The following NRG1 variants were observed in gnomAD, a reference collection of about 807,000 sequenced individuals.
The protein encoded by NRG1 is neuregulin 1, also known as pro-neuregulin-1, membrane-bound isoform.
NRG1 carries 18 observed loss-of-function variants against 63.8 expected under a neutral mutation model. That is an observed-to-expected ratio of 0.28 (90% CI 0.19 to 0.42). NRG1 has a LOEUF of 0.42. Among genes scored for constraint, NRG1 ranks in the 10% least tolerant of loss-of-function variants. NRG1 has a pLI of 1.00. For synonymous variants in NRG1, 302 were observed against 301.3 expected (o/e 1.00, Z -0.02); for missense variants, 762 against 814.7 (o/e 0.94, Z 0.79).
At chr8:32,168,503 A>G (rs897660838) in intron 1 of NRG1, among the ~76,000 whole-genome samples, 1 of 152,210 alleles carries the variant, frequency 6.6e-6, no homozygotes, top group Non-Finnish European at 1.5e-5. Flanking sequence ...TGGCATATGC[A>G]TGGAAGTGAA....
chr8:32,103,194 C>A (rs144867349), intron 1 of NRG1, among the ~76,000 whole-genome samples: 62 of 152,290 alleles, frequency 4.1e-4, no homozygotes, highest in African/African-American at 1.4e-3. Flanking sequence ...CAGTACCCTT[C>A]CTATCCTCTG....
intron 5 of NRG1, among the ~76,000 whole-genome samples, chr8:32,700,040 C>T (rs1234436881): frequency 6.6e-6 from 1 of 152,038 alleles, no homozygotes; most frequent in Non-Finnish European, 1.5e-5. Context: ...AGGATATTTT[C>T]CTCATTCCAA....
At chr8:31,813,684 C>T (rs561077558) in intron 1 of NRG1, among the ~76,000 whole-genome samples, 110 of 151,758 alleles carry the variant, frequency 7.2e-4, no homozygotes, top group African/African-American at 2.6e-3. Context: ...CACACCACCA[C>T]GCCTGGCTAA....
intron 1 of NRG1, among the ~76,000 whole-genome samples, chr8:31,671,032 C>T (rs1164340033): frequency 6.6e-6 from 1 of 152,130 alleles, no homozygotes; most frequent in Admixed American, 6.5e-5. Flanking sequence ...TATTTAGCTC[C>T]CACTTATAAG....
At chr8:32,108,592 A>G (rs1220478835) in intron 1 of NRG1, among the ~76,000 whole-genome samples, 1 of 152,030 alleles carries the variant, frequency 6.6e-6, no homozygotes, top group Non-Finnish European at 1.5e-5. Flanking sequence ...TATTATTACT[A>G]ATCAGTTGAC....
chr8:31,681,456 T>G (rs539316898), intron 1 of NRG1, among the ~76,000 whole-genome samples: 5 of 152,044 alleles, frequency 3.3e-5, no homozygotes, highest in Admixed American at 6.6e-5. Context: ...GAAGCTTACA[T>G]TTAAATGACA....
intron 1 of NRG1, among the ~76,000 whole-genome samples, chr8:32,152,691 T>C (rs564230607): frequency 1.3e-5 from 2 of 152,234 alleles, no homozygotes; most frequent in East Asian, 3.9e-4. Context: ...GAAAGAATTG[T>C]CCCAAAGAGT....
rs141814555 is a variant in NRG1, at chr8:31,811,184, A to G, written c.37+171753A>G. 4.1e-3 allele frequency among the ~76,000 whole-genome samples: 619 copies of G among 152,304 alleles called. 6 individuals carry two copies. The highest frequency in any genetic ancestry group is 0.014 in the African/African-American group (589 of 41,574). On this transcript the variant is annotated intron_variant, in intron 1 of 10. Coordinates refer to the NRG1 transcript ENST00000519301. ...CAGCTGTTCACACCATGGTCCTTTCATAATTATCCTGGTTACTGCCTCTTG... is the reference window on the plus strand; with the variant it reads ...CAGCTGTTCACACCATGGTCCTTTCGTAATTATCCTGGTTACTGCCTCTTG...
chr8:31,967,217 G>T (rs1048686438), intron 1 of NRG1, among the ~76,000 whole-genome samples: 1 of 152,126 alleles, frequency 6.6e-6, no homozygotes, highest in East Asian at 1.9e-4. Context: ...CAGGACCTCA[G>T]TTGCATGAAC....
chr8:31,824,218 C>T (rs1824310054), intron 1 of NRG1, among the ~76,000 whole-genome samples: 1 of 133,088 alleles, frequency 7.5e-6, no homozygotes, highest in East Asian at 2.3e-4. Flanking sequence ...TGTTCCCCTT[C>T]CTGTGTCCAA....
intron 1 of NRG1, among the ~76,000 whole-genome samples, chr8:31,906,795 G>A (rs1202196122): frequency 6.6e-6 from 1 of 152,036 alleles, no homozygotes; most frequent in East Asian, 1.9e-4. Context: ...TTCAGTTTCT[G>A]CTGCAAAAAT....
At chr8:31,782,731 A>C (rs1444751359) in intron 1 of NRG1, among the ~76,000 whole-genome samples, 1 of 152,194 alleles carries the variant, frequency 6.6e-6, no homozygotes, top group Non-Finnish European at 1.5e-5. Flanking sequence ...TGTGCTTTAC[A>C]AAATTTAACG....
intron 1 of NRG1, among the ~76,000 whole-genome samples, chr8:32,358,368 GAA>G (rs34976612): frequency 0.31 from 30,656 of 98,620 alleles, 4,468 homozygotes; most frequent in African/African-American, 0.47. Context: ...TGCCATTTAT[GAA>G]AAAAAAAAAA....
At chr8:31,691,682 A>C (rs1435399724) in intron 1 of NRG1, among the ~76,000 whole-genome samples, 1 of 151,184 alleles carries the variant, frequency 6.6e-6, no homozygotes, top group East Asian at 1.9e-4. Flanking sequence ...TAATTTTAAT[A>C]AGTTAAAGTG....
At chr8:32,711,010 T>C (rs1038342837) in intron 5 of NRG1, among the ~76,000 whole-genome samples, 15 of 152,162 alleles carry the variant, frequency 9.9e-5, no homozygotes, top group Non-Finnish European at 5.9e-5. Context: ...TTTGCAAACA[T>C]AGAGAAATAT....
At chr8:32,193,944 G>C (rs1000684511) in intron 1 of NRG1, among the ~76,000 whole-genome samples, 1 of 152,370 alleles carries the variant, frequency 6.6e-6, no homozygotes, top group Non-Finnish European at 1.5e-5. Flanking sequence ...CACCTGCAGA[G>C]GAAGCAGCCC....
chr8:32,125,469 A>G (rs1360354434), intron 1 of NRG1, among the ~76,000 whole-genome samples: 1 of 151,952 alleles, frequency 6.6e-6, no homozygotes, highest in Non-Finnish European at 1.5e-5. Context: ...TTAATTATGC[A>G]TAGATCATAA....
chr8:32,448,961 G>A (rs957258949), intron 1 of NRG1, among the ~76,000 whole-genome samples: 58 of 152,120 alleles, frequency 3.8e-4, no homozygotes, highest in Admixed American at 2.0e-3. Context: ...TGAATAACAA[G>A]TTGAAAAAAG....
chr8:32,033,091 A>G (rs1219252160), intron 1 of NRG1, among the ~76,000 whole-genome samples: 1 of 111,608 alleles, frequency 9.0e-6, no homozygotes, highest in Admixed American at 9.2e-5. Context: ...TGTGCAGTCT[A>G]TTTTTTTTTT....
Sources: gnomAD v4.1 joint callset for allele counts (sites outside exome capture counted in the v4.1 genomes callset) on GRCh38, gnomAD v4.1.1 for gene constraint, MANE v1.5 for transcripts, NCBI Gene and HGNC (gene_info 2026-07-23, HGNC 2026-07-21) for gene names.